PCDH9: variants seen among roughly 807,000 people sequenced by gnomAD.
PCDH9 encodes the protein protocadherin-9.
In PCDH9, 24 loss-of-function variants were observed where a neutral mutation model predicts 70.6. The ratio of observed to expected loss-of-function variants is 0.34; its 90% confidence interval spans 0.25 to 0.48. The LOEUF (loss-of-function observed/expected upper bound fraction) is 0.48, where lower values mean the gene tolerates loss of function less well. PCDH9 is among the 20% of genes least tolerant of loss of function. The probability of loss-of-function intolerance (pLI) is 0.99; values close to 1 mark genes in which losing one functional copy is unlikely to be tolerated. For missense variants in PCDH9, 1,281 were observed against 1,503.6 expected, an observed-to-expected ratio of 0.85 and a Z score of 2.45; for synonymous variants, 562 against 558.5, an observed-to-expected ratio of 1.01 and a Z score of -0.09.
intron 3 of PCDH9, among the ~76,000 whole-genome samples, chr13:66,877,314 AAAG>A (rs1566260251): frequency 4.0e-5 from 6 of 151,584 alleles, no homozygotes; most frequent in Admixed American, 6.6e-5. Flanking sequence ...TAGAAATAAT[AAAG>A]CAAAATTTAA....
chr13:66,349,019 A>C (rs1276663056), intron 4 of PCDH9, among the ~76,000 whole-genome samples: 1 of 152,188 alleles, frequency 6.6e-6, no homozygotes, highest in African/African-American at 2.4e-5. Flanking sequence ...ACATATCTGC[A>C]CATTAGAAGT....
chr13:66,471,670 A>T (rs1391473693), intron 4 of PCDH9, among the ~76,000 whole-genome samples: 1 of 152,160 alleles, frequency 6.6e-6, no homozygotes, highest in Non-Finnish European at 1.5e-5. Context: ...CTTTTTTCAC[A>T]TTTGAGGAAA....
intron 3 of PCDH9, among the ~76,000 whole-genome samples, chr13:66,633,741 T>C (rs2077601821): frequency 6.6e-6 from 1 of 152,154 alleles, no homozygotes; most frequent in South Asian, 2.1e-4. Context: ...GGAAGTCCCT[T>C]AAGCCATTAA....
intron 2 of PCDH9, among the ~76,000 whole-genome samples, chr13:67,182,958 C>A (rs1227416497): frequency 6.6e-6 from 1 of 151,972 alleles, no homozygotes; most frequent in Non-Finnish European, 1.5e-5. Context: ...GGAAAATGAA[C>A]AAGAATGGCC....
At chr13:66,782,453 C>T (rs1355801077) in intron 3 of PCDH9, among the ~76,000 whole-genome samples, 1 of 151,522 alleles carries the variant, frequency 6.6e-6, no homozygotes, top group Non-Finnish European at 1.5e-5. Flanking sequence ...TCACAACACA[C>T]GATTAATGAA....
intron 3 of PCDH9, among the ~76,000 whole-genome samples, chr13:66,656,643 G>C (rs1402056567): frequency 6.6e-6 from 1 of 152,046 alleles, no homozygotes; most frequent in African/African-American, 2.4e-5. Context: ...GGTGGGGTGG[G>C]GGGGCGGTTA....
intron 4 of PCDH9, among the ~76,000 whole-genome samples, chr13:66,502,964 C>T (rs1197493430): frequency 2.0e-5 from 3 of 152,126 alleles, no homozygotes; most frequent in African/African-American, 7.2e-5. Context: ...GCTCCTTTTG[C>T]AGAGGAAAAC....
chr13:67,163,080 G>T lies in PCDH9; in HGVS notation c.3036+62325C>A, dbSNP rs1404002149. 2.0e-5 allele frequency among the ~76,000 whole-genome samples: 3 copies of T among 152,120 alleles called. No homozygotes were observed. In the East Asian group the frequency reaches 5.8e-4, roughly 29 times the overall value. ...TTTAAGTTTGGCTTATAAAATCAGAGAAGTGGTCAACTCCAGGCTTTCACA... is the reference window on the plus strand; with the variant it reads ...TTTAAGTTTGGCTTATAAAATCAGATAAGTGGTCAACTCCAGGCTTTCACA... On this transcript the variant is annotated intron_variant, in intron 2 of 4. Coordinates refer to ENST00000377865, the MANE Select transcript of PCDH9 (RefSeq NM_203487.3).
At chr13:67,198,192 C>G (rs1324512170) in intron 2 of PCDH9, among the ~76,000 whole-genome samples, 3 of 151,284 alleles carry the variant, frequency 2.0e-5, no homozygotes, top group Non-Finnish European at 3.0e-5. Flanking sequence ...ATACTTTGTT[C>G]TATCTTGCAA....
intron 4 of PCDH9, among the ~76,000 whole-genome samples, chr13:66,403,621 T>G (rs78053681): frequency 0.014 from 2,076 of 152,198 alleles, 27 homozygotes; most frequent in East Asian, 0.078. Flanking sequence ...GTATGTGGGT[T>G]ACATCTATCA....
chr13:66,792,378 C>T (rs1258079704), intron 3 of PCDH9, among the ~76,000 whole-genome samples: 1 of 152,042 alleles, frequency 6.6e-6, no homozygotes, highest in Non-Finnish European at 1.5e-5. Flanking sequence ...TGTTATAAAA[C>T]CCAAACCTGG....
chr13:66,513,026 G>A (rs567799075), intron 4 of PCDH9, among the ~76,000 whole-genome samples: 19 of 151,870 alleles, frequency 1.3e-4, no homozygotes, highest in Non-Finnish European at 1.6e-4. Flanking sequence ...GCCATGTTCC[G>A]CAAGCTGGTC....
chr13:66,332,783 C>T (rs1189629489), intron 4 of PCDH9, among the ~76,000 whole-genome samples: 8 of 151,626 alleles, frequency 5.3e-5, no homozygotes. Context: ...AAAAATCACA[C>T]TGTTTAGCAC....
chr13:66,725,272 G>A (rs764923618), intron 3 of PCDH9, among the ~76,000 whole-genome samples: 3 of 152,088 alleles, frequency 2.0e-5, no homozygotes, highest in Non-Finnish European at 4.4e-5. Flanking sequence ...TTACCTACTT[G>A]GTTGATTGTC....
intron 2 of PCDH9, among the ~76,000 whole-genome samples, chr13:67,081,315 T>C (rs1320943762): frequency 2.6e-5 from 4 of 152,220 alleles, no homozygotes; most frequent in Non-Finnish European, 5.9e-5. Context: ...ACACCTGTAA[T>C]CCCAGCACTT....
chr13:66,919,741 A>G (rs539105311), intron 2 of PCDH9, among the ~76,000 whole-genome samples: 2 of 151,186 alleles, frequency 1.3e-5, no homozygotes, highest in South Asian at 2.1e-4. Flanking sequence ...CAATCTCCCT[A>G]TGGGGATAAA....
At chr13:66,896,530 T>G (rs551436415) in intron 3 of PCDH9, among the ~76,000 whole-genome samples, 1 of 152,276 alleles carries the variant, frequency 6.6e-6, no homozygotes, top group Admixed American at 6.5e-5. Context: ...CAGATTTACA[T>G]AATTATAAAA....
At chr13:66,875,810 G>A (rs1239680932) in intron 3 of PCDH9, among the ~76,000 whole-genome samples, 1 of 152,130 alleles carries the variant, frequency 6.6e-6, no homozygotes, top group Admixed American at 6.6e-5. Flanking sequence ...ATTCATACTG[G>A]AATGTATAGA....
chr13:66,853,201 CAATAATAATAAT>C (rs71207610), intron 3 of PCDH9, among the ~76,000 whole-genome samples: 26 of 145,834 alleles, frequency 1.8e-4, no homozygotes, highest in Non-Finnish European at 1.7e-4. Flanking sequence ...TGAATAGTAG[CAATAATAATAAT>C]AATAATAATA....
Sources: gnomAD v4.1 joint callset for allele counts (sites outside exome capture counted in the v4.1 genomes callset) on GRCh38, gnomAD v4.1.1 for gene constraint, MANE v1.5 for transcripts, NCBI Gene and HGNC (gene_info 2026-07-23, HGNC 2026-07-21) for gene names.